The following ROBO2 variants were observed in gnomAD, a reference collection of about 807,000 sequenced individuals.
ROBO2 encodes the protein roundabout homolog 2.
A neutral mutation model predicts 160.8 loss-of-function variants in ROBO2; 53 were observed. The observed-to-expected ratio is 0.33, with a 90% CI of 0.26 to 0.41. The LOEUF is 0.41. ROBO2 is among the 10% of genes least tolerant of loss of function. The pLI is 1.00. For missense variants in ROBO2, 1,577 were observed against 1,722.4 expected, an observed-to-expected ratio of 0.92 and a Z score of 1.49; for synonymous variants, 664 against 611.7, an observed-to-expected ratio of 1.09 and a Z score of -1.26.
Position 76,289,340 on chromosome 3 carries a change from CTTGA to C in ROBO2, c.109+351742_109+351745del. ...CATCTTTTACTCACTTTTTAATGGG[CTTGA>C]TTGTTTTTTGCCTGCTAATTTAAGT... On this transcript the variant is annotated intron_variant, in intron 2 of 26. Coordinates refer to the ROBO2 transcript ENST00000487694. Among the ~76,000 whole-genome samples the C allele has an allele frequency of 2.0e-5, 3 of 152,074 alleles. No individual in the cohort carries two copies. In the South Asian group the frequency reaches 6.2e-4, roughly 32 times the overall value.
At chr3:76,147,777 A>T (rs540303184) in intron 2 of ROBO2, among the ~76,000 whole-genome samples, 1 of 151,826 alleles carries the variant, frequency 6.6e-6, no homozygotes, top group Non-Finnish European at 1.5e-5. Context: ...AATTGGGGTC[A>T]TTGGTCAGGG....
chr3:76,931,485 T>C (rs184134830), intron 2 of ROBO2, among the ~76,000 whole-genome samples: 2 of 152,156 alleles, frequency 1.3e-5, no homozygotes, highest in Admixed American at 6.5e-5. Flanking sequence ...ATCTTACATA[T>C]TTAATTATCT....
intron 2 of ROBO2, among the ~76,000 whole-genome samples, chr3:76,086,128 G>A (rs992530626): frequency 1.3e-5 from 2 of 152,118 alleles, no homozygotes; most frequent in African/African-American, 2.4e-5. Flanking sequence ...AAGAAAAGGG[G>A]TTTAATTGAC....
intron 2 of ROBO2, among the ~76,000 whole-genome samples, chr3:77,224,241 A>C (rs1347513526): frequency 6.6e-6 from 1 of 152,042 alleles, no homozygotes; most frequent in Non-Finnish European, 1.5e-5. Flanking sequence ...ACCTTGATCC[A>C]AATCTCTGAA....
At chr3:77,554,809 T>G (rs1231508359) in intron 8 of ROBO2, among the ~76,000 whole-genome samples, 1 of 152,026 alleles carries the variant, frequency 6.6e-6, no homozygotes, top group African/African-American at 2.4e-5. Context: ...TATTCAAGAT[T>G]GTTGAAGTGA....
At chr3:76,329,400 T>C (rs1046457698) in intron 2 of ROBO2, among the ~76,000 whole-genome samples, 2 of 152,136 alleles carry the variant, frequency 1.3e-5, no homozygotes, top group Non-Finnish European at 2.9e-5. Context: ...GTACTTTTAG[T>C]AGAGATGGGG....
chr3:76,027,152 A>G (rs1161376898), intron 2 of ROBO2, among the ~76,000 whole-genome samples: 13 of 152,102 alleles, frequency 8.5e-5, no homozygotes, highest in Non-Finnish European at 1.5e-5. Context: ...TGTTGACTGT[A>G]AAGAAATCCA....
chr3:76,096,060 G>A (rs1180924678), intron 2 of ROBO2, among the ~76,000 whole-genome samples: 2 of 152,044 alleles, frequency 1.3e-5, no homozygotes, highest in African/African-American at 2.4e-5. Flanking sequence ...TCTCTAAGGA[G>A]ATAAAAAGAA....
intron 2 of ROBO2, among the ~76,000 whole-genome samples, chr3:77,203,783 GT>G (rs1189927469): frequency 6.6e-6 from 1 of 152,154 alleles, no homozygotes; most frequent in East Asian, 1.9e-4. Flanking sequence ...TTCTCATTCA[GT>G]TTTTGCTGCA....
intron 2 of ROBO2, among the ~76,000 whole-genome samples, chr3:77,122,431 T>C (rs1347469223): frequency 6.6e-6 from 1 of 152,212 alleles, no homozygotes; most frequent in African/African-American, 2.4e-5. Flanking sequence ...AATGAGTAAG[T>C]GTTGCCCCGG....
At chr3:77,517,501 G>A (rs919358867) in intron 5 of ROBO2, among the ~76,000 whole-genome samples, 2 of 151,470 alleles carry the variant, frequency 1.3e-5, no homozygotes, top group Admixed American at 6.6e-5. Flanking sequence ...GGATAGTTTC[G>A]AAGAGTTCAG....
chr3:76,899,600 C>T lies in ROBO2; in HGVS notation c.110-198414C>T, dbSNP rs568693433. 2.1e-4 allele frequency among the ~76,000 whole-genome samples: 32 copies of T among 152,146 alleles called. 1 individual carries two copies. The South Asian group carries it at 4.4e-3, about 21-fold the overall frequency. ...TTAATTTATAAAGATATGGACTTGT[C>T]GTCTATTTAACAAAGACGTGCTATT... is the stretch of plus-strand genomic sequence containing the variant. On this transcript the variant is annotated intron_variant, in intron 2 of 26. Transcript: ENST00000487694.
At chr3:76,444,232 C>T (rs957561399) in intron 2 of ROBO2, among the ~76,000 whole-genome samples, 4 of 152,048 alleles carry the variant, frequency 2.6e-5, no homozygotes, top group Admixed American at 2.6e-4. Context: ...CCCGCCTTGG[C>T]CTCCAAAAGT....
chr3:77,545,425 TACA>T (rs2092660490), intron 6 of ROBO2, among the ~76,000 whole-genome samples: 1 of 152,110 alleles, frequency 6.6e-6, no homozygotes, highest in Non-Finnish European at 1.5e-5. Context: ...CTGTAGGTTT[TACA>T]ACACCAAGGG....
chr3:77,323,053 ATATAT>A (rs796358995), intron 2 of ROBO2, among the ~76,000 whole-genome samples: 1 of 8,030 alleles, frequency 1.2e-4, no homozygotes, highest in Non-Finnish European at 1.1e-3. Flanking sequence ...GGATAATATA[ATATAT>A]TATATTATAT....
intron 2 of ROBO2, among the ~76,000 whole-genome samples, chr3:76,625,429 A>AT (rs2089565179): frequency 6.6e-6 from 1 of 152,300 alleles, no homozygotes; most frequent in Admixed American, 6.5e-5. Flanking sequence ...GCCAGATGTC[A>AT]TTTTTTGTAA....
intron 1 of ROBO2, among the ~76,000 whole-genome samples, chr3:75,919,045 A>G (rs1016067323): frequency 1.3e-5 from 2 of 152,040 alleles, no homozygotes; most frequent in African/African-American, 4.8e-5. Context: ...CTCTTGCTTG[A>G]TTGCCCTGGC....
At chr3:76,129,659 G>C (rs2071147943) in intron 2 of ROBO2, among the ~76,000 whole-genome samples, 1 of 152,050 alleles carries the variant, frequency 6.6e-6, no homozygotes, top group Non-Finnish European at 1.5e-5. Flanking sequence ...AAGGGTTTAT[G>C]TGCAAAAAAC....
chr3:76,868,793 G>A (rs973152865), intron 2 of ROBO2, among the ~76,000 whole-genome samples: 3 of 149,178 alleles, frequency 2.0e-5, no homozygotes, highest in Non-Finnish European at 4.5e-5. Context: ...CAAAAAAAAA[G>A]CATGTATCAG....
Sources: gnomAD v4.1 joint callset for allele counts (sites outside exome capture counted in the v4.1 genomes callset) on GRCh38, gnomAD v4.1.1 for gene constraint, MANE v1.5 for transcripts, NCBI Gene and HGNC (gene_info 2026-07-23, HGNC 2026-07-21) for gene names.